Variants in NBPF11 observed in about 807,000 individuals in gnomAD.
NBPF11 encodes NBPF family member NBPF11.
In NBPF11, 72 loss-of-function variants were observed where a neutral mutation model predicts 93.9. The observed-to-expected ratio is 0.77, with a 90% confidence interval of 0.63 to 0.93. The LOEUF (loss-of-function observed/expected upper bound fraction) is 0.93. Among genes scored for constraint, NBPF11 ranks in the 40% least tolerant of loss-of-function variants. The pLI is 0.00. For missense variants in NBPF11, 705 were observed against 802.2 expected (o/e 0.88, Z 1.46); for synonymous variants, 224 against 304.9 (o/e 0.73, Z 2.76).
intron 4 of NBPF11, among the ~76,000 whole-genome samples, chr1:148,129,103 T>A (rs1259110414): frequency 9.0e-6 from 1 of 110,894 alleles, no homozygotes; most frequent in Non-Finnish European, 1.9e-5. Flanking sequence ...TATATATATA[T>A]AATATATATA....
chr1:148,122,360 G>A (rs1370071622), intron 8 of NBPF11, 94 bp from the exon 9 acceptor site: 8 of 1,589,388 alleles, frequency 5.0e-6, no homozygotes, highest in Non-Finnish European at 6.9e-6. Flanking sequence ...GCGGCATTAA[G>A]AGAGTGGTCC....
At chr1:148,133,108 T>C (rs1286139661) in intron 4 of NBPF11, among the ~76,000 whole-genome samples, 8 of 150,488 alleles carry the variant, frequency 5.3e-5, no homozygotes, top group African/African-American at 1.5e-4. Flanking sequence ...TGAAATTGTA[T>C]TCTTATTTCA....
chr1:148,148,063 G>A (rs1239755663), intron 1 of NBPF11, among the ~76,000 whole-genome samples: 5 of 152,198 alleles, frequency 3.3e-5, no homozygotes, highest in South Asian at 2.1e-4. Context: ...TGTAGCAGGT[G>A]GCAGGGCTGG....
At chr1:148,108,937 C>T (rs1368936237) in intron 17 of NBPF11, among the ~76,000 whole-genome samples, 16 of 149,388 alleles carry the variant, frequency 1.1e-4, no homozygotes, top group Non-Finnish European at 2.1e-4. Flanking sequence ...ATGAGGGAGT[C>T]AAAGGACACT....
chr1:148,124,149 C>T (rs1343632712), intron 6 of NBPF11, 82 bp from the exon 7 acceptor site: 1 of 1,513,706 alleles, frequency 6.6e-7, no homozygotes, highest in Non-Finnish European at 9.2e-7. Flanking sequence ...ATTTCTGAGA[C>T]AATGTTCTCA....
chr1:148,108,040 G>T (rs1399717584), intron 18 of NBPF11, among the ~76,000 whole-genome samples: 1 of 150,276 alleles, frequency 6.7e-6, no homozygotes, highest in Non-Finnish European at 1.5e-5. Context: ...TTTTCCAATC[G>T]ATTTAAAGCA....
chr1:148,118,585 C>A (rs1667112344), intron 11 of NBPF11, 35 bp downstream of exon 11: 18 of 1,581,472 alleles, frequency 1.1e-5, no homozygotes, highest in Non-Finnish European at 1.6e-5. Flanking sequence ...ATTTACACAC[C>A]TGCCCCCCTG....
chr1:148,146,752 A>T, intron 1 of NBPF11: 1 of 1,612,852 alleles, frequency 6.2e-7, no homozygotes, highest in South Asian at 1.1e-5. Context: ...CTCGCACGGC[A>T]ATGCCGTGGA....
At chr1:148,106,799 T>A (rs1663748939) in intron 20 of NBPF11, 143 bp downstream of exon 20, 1 of 700,420 alleles carries the variant, frequency 1.4e-6, no homozygotes, top group Admixed American at 2.1e-5. Flanking sequence ...GAGACTACAG[T>A]TTCATTACAA....
At chr1:148,105,881 T>A (rs1450950787) in intron 21 of NBPF11, among the ~76,000 whole-genome samples, 1 of 138,628 alleles carries the variant, frequency 7.2e-6, no homozygotes, top group African/African-American at 3.0e-5. Flanking sequence ...CAGCATACAG[T>A]GATCATGAAA....
intron 4 of NBPF11, chr1:148,129,654 T>A (rs2149261232): frequency 5.7e-6 from 1 of 176,554 alleles, no homozygotes; most frequent in Non-Finnish European, 1.3e-5. Context: ...TCAAGCTTTG[T>A]CATGAATGGG....
In NBPF11 at chr1:148,115,912, T is replaced by C. The variant is rs1380946747; in HGVS notation, c.1466A>G (p.Tyr489Cys). 5 of 1,583,664 alleles carry C rather than the reference T, an allele frequency of 3.2e-6. No homozygotes were observed. The highest frequency in any genetic ancestry group is 2.2e-5 in the South Asian group (2 of 90,414). The change falls in exon 14 of 24, where the codon TAT (tyrosine) becomes TGT (cysteine). Residue 489 changes from tyrosine to cysteine, a missense_variant. Transcript: ENST00000682118. ...AITCSNSHGP[Y>C]DSNQPHRKTK... ...TTTTCTATGTGGCTGGTTGGAGTCA[T>C]AAGGGCCATGGCTATTTGAACAAGT...
intron 2 of NBPF11, among the ~76,000 whole-genome samples, chr1:148,140,429 T>C (rs1671991347): frequency 6.6e-6 from 1 of 151,124 alleles, no homozygotes; most frequent in Non-Finnish European, 1.5e-5. Context: ...TTGAGCCTCA[T>C]TAAAATTAAA....
chr1:148,105,896 T>G (rs1357606810), intron 21 of NBPF11, among the ~76,000 whole-genome samples: 2 of 139,042 alleles, frequency 1.4e-5, no homozygotes, highest in Non-Finnish European at 3.0e-5. Flanking sequence ...ATGAAAAGAC[T>G]GTGCTCAATA....
chr1:148,112,288 T>G (rs1665484373), intron 15 of NBPF11, among the ~76,000 whole-genome samples: 1 of 139,132 alleles, frequency 7.2e-6, no homozygotes, highest in South Asian at 2.4e-4. Flanking sequence ...TATCTCCTAA[T>G]GCTACCCCTC....
At chr1:148,121,348 C>T (rs1571444772) in intron 9 of NBPF11, among the ~76,000 whole-genome samples, 4 of 124,878 alleles carry the variant, frequency 3.2e-5, no homozygotes, top group Non-Finnish European at 5.1e-5. Context: ...TGGTCAGAGA[C>T]TTTTTTTTTT....
At chr1:148,140,809 G>T (rs1327013621) in intron 2 of NBPF11, among the ~76,000 whole-genome samples, 1 of 151,540 alleles carries the variant, frequency 6.6e-6, no homozygotes, top group Non-Finnish European at 1.5e-5. Flanking sequence ...GAAATCAAAA[G>T]TGTAGTCACT....
chr1:148,124,243 TTC>T (rs1668557910), intron 6 of NBPF11, among the ~76,000 whole-genome samples, 176 bp from the exon 7 acceptor site: 483 of 151,210 alleles, frequency 3.2e-3, no homozygotes, highest in African/African-American at 0.011. Flanking sequence ...TCTACAGGCT[TTC>T]CCTCTATCAG....
In NBPF11 at chr1:148,120,554, T is replaced by G; in HGVS notation, c.935A>C (p.Lys312Thr). The change falls in exon 10 of 24, where the codon AAA becomes ACA. Residue 312 changes from lysine to threonine, a missense_variant. Around this residue, in one of 12 missense-constraint regions of NBPF11, gnomAD observed 262 missense variants for 223.1 expected, o/e 1.17. Transcript: ENST00000682118. ...GCAGGCCACTTGAGTTACAAAACAT[T>G]TCTCTTTGAGGCTTCTGAACTGCTG... ...KKQQFRSLKE[K>T]CFVTQVACFL... 1 of 1,156,420 alleles carries G rather than the reference T, an allele frequency of 8.6e-7. No homozygotes were observed. Among genetic ancestry groups the G allele is most frequent in the Non-Finnish European group, 1.3e-6 (1 of 763,000 alleles). 71.6% of individuals were successfully genotyped at this position (1,156,420 alleles called of 1,614,324 possible).
Sources: gnomAD v4.1 joint callset for allele counts (sites outside exome capture counted in the v4.1 genomes callset) on GRCh38, gnomAD v4.1.1 for gene constraint, gnomAD v4.1.1 regional missense constraint, MANE v1.5 for transcripts, NCBI Gene and HGNC (gene_info 2026-07-23, HGNC 2026-07-21) for gene names.